DLG2: variants seen among roughly 807,000 people sequenced by gnomAD.
The protein encoded by DLG2 is discs large MAGUK scaffold protein 2.
A neutral mutation model predicts 132.5 loss-of-function variants in DLG2; 45 were observed. That is an observed-to-expected ratio of 0.34 (90% CI 0.27 to 0.44). The LOEUF is 0.44. Ranked by LOEUF, DLG2 falls within the 20% of genes least tolerant of loss-of-function variation. DLG2 has a pLI of 1.00. For synonymous variants in DLG2, 424 were observed against 419.6 expected, an observed-to-expected ratio of 1.01 and a Z score of -0.13; for missense variants, 1,045 against 1,196.9, an observed-to-expected ratio of 0.87 and a Z score of 1.87.
intron 3 of DLG2, among the ~76,000 whole-genome samples, chr11:85,503,207 C>CT (rs1208558867): frequency 1.3e-5 from 2 of 152,068 alleles, no homozygotes; most frequent in African/African-American, 4.8e-5. Flanking sequence ...ATATTTTATA[C>CT]TTTTTTGCAT....
intron 7 of DLG2, among the ~76,000 whole-genome samples, chr11:84,451,478 T>C (rs1555595628): frequency 6.6e-6 from 1 of 151,834 alleles, no homozygotes; most frequent in Admixed American, 6.6e-5. Context: ...TCCACATTCA[T>C]GTAAAAAATG....
chr11:84,215,945 G>A (rs1226538477), intron 8 of DLG2, among the ~76,000 whole-genome samples: 4 of 152,096 alleles, frequency 2.6e-5, no homozygotes, highest in Non-Finnish European at 5.9e-5. Flanking sequence ...TGACTTGTTC[G>A]GTAAGTTTTG....
intron 11 of DLG2, among the ~76,000 whole-genome samples, chr11:84,045,413 T>C (rs1284351699): frequency 6.6e-6 from 1 of 151,734 alleles, no homozygotes; most frequent in African/African-American, 2.4e-5. Context: ...TTACATTCAA[T>C]AGAGATAAAA....
intron 6 of DLG2, among the ~76,000 whole-genome samples, chr11:84,650,704 T>C (rs969144379): frequency 2.0e-5 from 3 of 151,932 alleles, no homozygotes; most frequent in African/African-American, 7.2e-5. Flanking sequence ...TCTCTTATGA[T>C]GTTACTTTTT....
intron 8 of DLG2, among the ~76,000 whole-genome samples, chr11:84,164,726 T>G (rs2095622732): frequency 6.6e-6 from 1 of 152,252 alleles, no homozygotes; most frequent in African/African-American, 2.4e-5. Flanking sequence ...GTAATTATAG[T>G]TATAATCAGT....
chr11:85,045,476 CT>C (rs2062252962), intron 6 of DLG2, among the ~76,000 whole-genome samples: 1 of 152,054 alleles, frequency 6.6e-6, no homozygotes, highest in East Asian at 1.9e-4. Flanking sequence ...GTGATTCTTC[CT>C]TTCTGTTTTC....
At chr11:83,719,564 A>C (rs1215284680) in intron 18 of DLG2, among the ~76,000 whole-genome samples, 1 of 152,178 alleles carries the variant, frequency 6.6e-6, no homozygotes, top group Non-Finnish European at 1.5e-5. Flanking sequence ...CAGAAGTCAA[A>C]CAGTGAGAAA....
At chr11:83,504,946 C>T (rs2094616133) in intron 21 of DLG2, among the ~76,000 whole-genome samples, 1 of 148,826 alleles carries the variant, frequency 6.7e-6, no homozygotes. Flanking sequence ...TGATGGGGAA[C>T]ATAGTAAGAC....
At chr11:85,417,538 C>A (rs867869623) in intron 3 of DLG2, among the ~76,000 whole-genome samples, 1 of 152,096 alleles carries the variant, frequency 6.6e-6, no homozygotes, top group Admixed American at 6.6e-5. Context: ...CCTCTTTATA[C>A]CTCTGGTAGA....
intron 15 of DLG2, among the ~76,000 whole-genome samples, chr11:83,892,511 T>A (rs1331762964): frequency 1.3e-5 from 2 of 152,160 alleles, no homozygotes; most frequent in African/African-American, 2.4e-5. Context: ...TCAATGAAAA[T>A]CTTCCAAATG....
intron 5 of DLG2, among the ~76,000 whole-genome samples, chr11:85,123,694 C>T (rs2152379479): frequency 6.6e-6 from 1 of 152,264 alleles, no homozygotes; most frequent in South Asian, 2.1e-4. Flanking sequence ...AGAACTCATT[C>T]ATTTACTCTC....
At chr11:83,697,883 T>A (rs1050721879) in intron 18 of DLG2, among the ~76,000 whole-genome samples, 2 of 152,190 alleles carry the variant, frequency 1.3e-5, no homozygotes, top group Non-Finnish European at 2.9e-5. Context: ...TTTAAAATCT[T>A]TGGCCAGTAA....
chr11:84,098,211 G>T (rs1595186717), intron 10 of DLG2, among the ~76,000 whole-genome samples: 1 of 151,882 alleles, frequency 6.6e-6, no homozygotes, highest in African/African-American at 2.4e-5. Context: ...GCTACTTTTT[G>T]TATTTTTAAT....
At chr11:83,840,549 A>G (rs1017344672) in intron 16 of DLG2, among the ~76,000 whole-genome samples, 1 of 152,176 alleles carries the variant, frequency 6.6e-6, no homozygotes, top group Non-Finnish European at 1.5e-5. Flanking sequence ...TTTCATCTAA[A>G]AGGGGGCTGC....
intron 18 of DLG2, among the ~76,000 whole-genome samples, chr11:83,688,163 T>C (rs978282304): frequency 1.2e-4 from 18 of 152,326 alleles, no homozygotes; most frequent in African/African-American, 3.8e-4. Context: ...CACGAAATTA[T>C]TCTGATATAA....
At chr11:84,654,576 G>A (rs1302947805) in intron 6 of DLG2, among the ~76,000 whole-genome samples, 1 of 152,144 alleles carries the variant, frequency 6.6e-6, no homozygotes, top group Non-Finnish European at 1.5e-5. Context: ...CATTTAGTAA[G>A]TCCTGTCATT....
At chr11:84,806,363 T>G (rs183808769) in intron 6 of DLG2, among the ~76,000 whole-genome samples, 2 of 152,038 alleles carry the variant, frequency 1.3e-5, no homozygotes, top group Admixed American at 1.3e-4. Context: ...TGGAAAGAAA[T>G]CTGTGCAGGC....
At chr11:83,686,013 T>C (rs930608826) in intron 18 of DLG2, among the ~76,000 whole-genome samples, 1 of 152,050 alleles carries the variant, frequency 6.6e-6, no homozygotes, top group Non-Finnish European at 1.5e-5. Flanking sequence ...TCTGTCTTTT[T>C]TCCATCTCCA....
chr11:83,842,356 G>A (rs2057736421), intron 16 of DLG2, among the ~76,000 whole-genome samples: 2 of 152,140 alleles, frequency 1.3e-5, no homozygotes, highest in African/African-American at 4.8e-5. Flanking sequence ...AGCACTCTGG[G>A]AGGCCAAGGC....
Sources: allele counts gnomAD v4.1 joint callset (sites outside exome capture counted in the v4.1 genomes callset), GRCh38; gene constraint gnomAD v4.1.1; transcripts MANE v1.5; gene names NCBI Gene and HGNC (gene_info 2026-07-23, HGNC 2026-07-21).